The following SLC7A9 variants were observed in gnomAD, a reference collection of about 807,000 sequenced individuals.
SLC7A9 encodes the protein B(0,+)-type amino acid transporter 1.
In SLC7A9, 38 loss-of-function variants were observed where a neutral mutation model predicts 54.1. The ratio of observed to expected loss-of-function variants is 0.70; its 90% CI spans 0.54 to 0.92. The LOEUF is 0.92. Ranked by LOEUF, SLC7A9 falls within the 40% of genes least tolerant of loss-of-function variation. The probability of loss-of-function intolerance (pLI) is 0.00; values close to 1 mark genes in which losing one functional copy is unlikely to be tolerated. For missense variants in SLC7A9, 537 were observed against 636.1 expected (o/e 0.84, Z 1.68); for synonymous variants, 264 against 258.9 (o/e 1.02, Z -0.19).
At chr19:32,856,959 T>C (rs1371626640) in intron 9 of SLC7A9, among the ~76,000 whole-genome samples, 1 of 152,028 alleles carries the variant, frequency 6.6e-6, no homozygotes, top group African/African-American at 2.4e-5. Flanking sequence ...AAGACCAGCT[T>C]GGCCAAGATG....
At chr19:32,858,350 C>A in intron 9 of SLC7A9, 90 bp downstream of exon 9, 1 of 931,962 alleles carries the variant, frequency 1.1e-6, no homozygotes, top group Non-Finnish European at 1.7e-6. Context: ...CTGGCAGAAC[C>A]CTGAGGATTT....
Position 32,868,538 on chromosome 19 carries a change from T to G in SLC7A9, c.-4A>C. 1.2e-6 allele frequency: 2 copies of G among 1,613,452 alleles called. No homozygotes were observed. The highest frequency in any genetic ancestry group is 1.7e-6 in the Non-Finnish European group (2 of 1,179,442). On this transcript the variant is annotated 5_prime_UTR_variant, in exon 2 of 13. Transcript: ENST00000023064. ...TTCTCAGGCCAGTATCCCCCATGTT[T>G]CCTCCTGCTGGTTCCAGGAGACTGC...
intron 2 of SLC7A9, among the ~76,000 whole-genome samples, chr19:32,865,159 C>CA (rs1424013098): frequency 3.9e-5 from 6 of 152,132 alleles, no homozygotes; most frequent in Admixed American, 6.5e-5. Flanking sequence ...AACAGCTCAC[C>CA]AATAAGAAAG....
At chr19:32,857,869 T>C (rs1037421459) in intron 9 of SLC7A9, among the ~76,000 whole-genome samples, 1 of 152,214 alleles carries the variant, frequency 6.6e-6, no homozygotes, top group African/African-American at 2.4e-5. Flanking sequence ...AACATGACCA[T>C]GGCTGTTCAC....
chr19:32,864,245 T>G lies in SLC7A9; in HGVS notation c.329A>C (p.Tyr110Ser). 6.2e-7 allele frequency: 1 copy of G among 1,613,852 alleles called. No homozygotes were observed. The highest frequency in any genetic ancestry group is 8.5e-7 in the Non-Finnish European group (1 of 1,179,912). ...GATCAGGCTGGCCCAGGAGAAGAGG[T>G]AGGCGGGGATGGGCCCGTAGGCCTC... ...LMEAYGPIPA[Y>S]LFSWASLIVI... The change falls in exon 4 of 13, where the codon TAC (tyrosine) becomes TCC (serine). Residue 110 changes from tyrosine to serine, a missense_variant. Tyr to Ser is a moderately radical substitution (Grantham distance 144, BLOSUM62 -2). Coordinates refer to ENST00000023064, the MANE Select transcript of SLC7A9 (RefSeq NM_014270.5).
intron 8 of SLC7A9, 87 bp downstream of exon 8, chr19:32,859,754 G>A (rs111913978): frequency 1.8e-6 from 2 of 1,127,768 alleles, no homozygotes; most frequent in South Asian, 1.2e-5. Context: ...TCCTTCCCTG[G>A]GAGGGAGCTC....
At chr19:32,847,792 C>T (rs1217104400) in intron 9 of SLC7A9, among the ~76,000 whole-genome samples, 9 of 152,154 alleles carry the variant, frequency 5.9e-5, no homozygotes, top group African/African-American at 1.4e-4. Context: ...GAGAGAAAGG[C>T]TGGGTTACCC....
At chr19:32,861,301 C>T (rs1028804323) in intron 6 of SLC7A9, among the ~76,000 whole-genome samples, 3 of 151,474 alleles carry the variant, frequency 2.0e-5, no homozygotes, top group South Asian at 2.1e-4. Flanking sequence ...CACAGCACTC[C>T]AGCCTGGGTA....
intron 9 of SLC7A9, among the ~76,000 whole-genome samples, chr19:32,847,028 C>T (rs370927322): frequency 1.3e-5 from 2 of 152,148 alleles, no homozygotes; most frequent in African/African-American, 4.8e-5. Flanking sequence ...CACCAAAAAC[C>T]CATCTGTACA....
chr19:32,832,147 G>A (rs1967815751), intron 12 of SLC7A9, among the ~76,000 whole-genome samples: 1 of 151,900 alleles, frequency 6.6e-6, no homozygotes, highest in Admixed American at 6.6e-5. Flanking sequence ...AAATTAGCCG[G>A]GTGTGGTGGC....
At chr19:32,862,671 T>TTA in intron 4 of SLC7A9, 85 bp from the exon 5 acceptor site, 2 of 1,206,190 alleles carry the variant, frequency 1.7e-6, no homozygotes, top group Non-Finnish European at 2.2e-6. Flanking sequence ...ATTTTTTATT[T>TTA]TTTTTTTTTT....
chr19:32,855,370 G>C (rs1968588623), intron 9 of SLC7A9, among the ~76,000 whole-genome samples: 1 of 152,070 alleles, frequency 6.6e-6, no homozygotes, highest in Non-Finnish European at 1.5e-5. Context: ...TAACTTACAA[G>C]CTTCCTGTGC....
chr19:32,837,010 T>G (rs1486435181), intron 11 of SLC7A9, among the ~76,000 whole-genome samples: 1 of 152,192 alleles, frequency 6.6e-6, no homozygotes, highest in African/African-American at 2.4e-5. Context: ...ATGGCTGATG[T>G]AAGTCCAATT....
chr19:32,868,595 C>T lies in SLC7A9; in HGVS notation c.-61G>A. 3 of 1,418,186 alleles carry T rather than the reference C, an allele frequency of 2.1e-6. No homozygotes were observed. The highest frequency in any genetic ancestry group is 3.0e-6 in the Non-Finnish European group (3 of 1,001,912). The allele number at this position is 1,418,186 out of a possible 1,614,324, so 87.9% of individuals were successfully genotyped here. A position where few individuals can be genotyped will look rare whatever the true frequency, so the allele number is the denominator to read the frequency against. ...GGCGCACAGCTAAATCTTGGTTCAG[C>T]AGCAGCAGACAAGACGCAAGTGCAA... On this transcript the variant is annotated 5_prime_UTR_variant, in exon 2 of 13. Transcript: ENST00000023064.
intron 8 of SLC7A9, among the ~76,000 whole-genome samples, chr19:32,859,570 T>A (rs1968732298): frequency 6.6e-6 from 1 of 152,028 alleles, no homozygotes; most frequent in Non-Finnish European, 1.5e-5. Flanking sequence ...TTGCCAAAAA[T>A]ATATATATTT....
At chr19:32,841,655 C>T in intron 11 of SLC7A9, among the ~76,000 whole-genome samples, 1 of 152,156 alleles carries the variant, frequency 6.6e-6, no homozygotes, top group East Asian at 1.9e-4. Context: ...ACCTGTAATC[C>T]CAGCACTTTG....
intron 9 of SLC7A9, among the ~76,000 whole-genome samples, chr19:32,846,868 C>CGCTGTTCTACAGCCACT (rs1968313725): frequency 6.6e-6 from 1 of 152,176 alleles, no homozygotes; most frequent in Non-Finnish European, 1.5e-5. Flanking sequence ...CACCAAAATC[C>CGCTGTTCTACAGCCACT]GCTGTTCTAC....
intron 9 of SLC7A9, among the ~76,000 whole-genome samples, chr19:32,855,425 C>A (rs150339651): frequency 2.0e-5 from 3 of 152,144 alleles, no homozygotes; most frequent in Non-Finnish European, 4.4e-5. Flanking sequence ...TGCAGCCGGG[C>A]GCGGTGGCTC....
intron 11 of SLC7A9, among the ~76,000 whole-genome samples, chr19:32,839,908 T>G (rs528997878): frequency 1.3e-5 from 2 of 152,218 alleles, no homozygotes; most frequent in Non-Finnish European, 2.9e-5. Flanking sequence ...ATTGTATGCC[T>G]TTCAGTATGT....
Sources: gnomAD v4.1 joint callset for allele counts (sites outside exome capture counted in the v4.1 genomes callset) on GRCh38, gnomAD v4.1.1 for gene constraint, MANE v1.5 for transcripts, NCBI Gene and HGNC (gene_info 2026-07-23, HGNC 2026-07-21) for gene names.